Variants in PTPRD observed in about 807,000 individuals in gnomAD.
PTPRD encodes protein tyrosine phosphatase receptor type D, also known as receptor-type tyrosine-protein phosphatase delta.
PTPRD carries 34 observed loss-of-function variants against 214.5 expected under a neutral mutation model. The observed-to-expected ratio is 0.16, with a 90% CI of 0.12 to 0.21. The LOEUF is 0.21. Among genes scored for constraint, PTPRD ranks in the 10% least tolerant of loss-of-function variants. PTPRD has a pLI of 1.00. For missense variants in PTPRD, 2,545 were observed against 2,398.7 expected, an observed-to-expected ratio of 1.06 and a Z score of -1.27; for synonymous variants, 1,128 against 845.7, an observed-to-expected ratio of 1.33 and a Z score of -5.79.
intron 38 of PTPRD, 80 bp downstream of exon 38, chr9:8,376,527 T>C: frequency 6.3e-7 from 1 of 1,585,784 alleles, no homozygotes; most frequent in Non-Finnish European, 8.6e-7. Flanking sequence ...AGTAAAGCCT[T>C]AAGAGATTTC....
chr9:10,023,835 T>C (rs574186758), intron 4 of PTPRD, among the ~76,000 whole-genome samples: 29 of 152,152 alleles, frequency 1.9e-4, no homozygotes, highest in Non-Finnish European at 4.0e-4. Flanking sequence ...ACATTCATGA[T>C]AGACATAGCA....
intron 3 of PTPRD, among the ~76,000 whole-genome samples, chr9:10,332,953 G>A (rs925721325): frequency 6.6e-6 from 1 of 151,764 alleles, no homozygotes; most frequent in Non-Finnish European, 1.5e-5. Context: ...TGTATATAAC[G>A]TAATGTTTGT....
chr9:10,098,071 T>G (rs1480377690), intron 3 of PTPRD, among the ~76,000 whole-genome samples: 2 of 151,696 alleles, frequency 1.3e-5, no homozygotes, highest in Non-Finnish European at 2.9e-5. Flanking sequence ...CTATTCACAA[T>G]AGCAAAGACT....
At chr9:9,917,100 CA>C (rs144853561) in intron 5 of PTPRD, among the ~76,000 whole-genome samples, 12,933 of 148,794 alleles carry the variant, frequency 0.087, 752 homozygotes, top group South Asian at 0.2. Flanking sequence ...ATGTCTACAT[CA>C]AAAAAAACTA....
Position 10,269,974 on chromosome 9 carries a change from A to C in PTPRD, c.-545+70989T>G, listed in dbSNP as rs1249552356. On this transcript the variant is annotated intron_variant, in intron 3 of 45. Transcript: ENST00000381196. ...AGATTCAAATAGGGAAATACAGAAT[A>C]AAATACTAAATGTAAGCTTCTTGAG... Among the ~76,000 whole-genome samples the C allele has an allele frequency of 3.3e-5, 5 of 152,238 alleles. No individual in the cohort carries two copies. In the East Asian group the frequency reaches 9.6e-4, roughly 29 times the overall value.
intron 7 of PTPRD, among the ~76,000 whole-genome samples, chr9:9,665,332 T>C (rs2154382684): frequency 6.6e-6 from 1 of 151,968 alleles, no homozygotes. Flanking sequence ...GTTTGAGCTG[T>C]ATACACTTAG....
At chr9:10,064,016 TTC>T (rs970281759) in intron 3 of PTPRD, among the ~76,000 whole-genome samples, 42 of 151,674 alleles carry the variant, frequency 2.8e-4, no homozygotes, top group African/African-American at 9.2e-4. Flanking sequence ...TTCATATATT[TTC>T]TGTTTTTTTT....
chr9:10,270,370 T>G (rs755517879), intron 3 of PTPRD, among the ~76,000 whole-genome samples: 2 of 152,178 alleles, frequency 1.3e-5, no homozygotes, highest in Non-Finnish European at 2.9e-5. Flanking sequence ...TTAAGGGCAA[T>G]AGTCTCAAGT....
intron 2 of PTPRD, among the ~76,000 whole-genome samples, chr9:10,357,575 G>A (rs1034026176): frequency 6.6e-6 from 1 of 152,182 alleles, no homozygotes; most frequent in Non-Finnish European, 1.5e-5. Flanking sequence ...CATAGTAAAT[G>A]CTGAAAACAT....
intron 3 of PTPRD, among the ~76,000 whole-genome samples, chr9:10,299,390 G>C (rs1420330115): frequency 3.3e-5 from 5 of 152,134 alleles, no homozygotes; most frequent in Admixed American, 2.6e-4. Flanking sequence ...AAGGGACTGA[G>C]ATGTTAATTT....
intron 11 of PTPRD, among the ~76,000 whole-genome samples, chr9:8,782,059 G>A (rs954221923): frequency 1.6e-4 from 16 of 102,424 alleles, no homozygotes; most frequent in Non-Finnish European, 2.6e-4. Context: ...AATGTTTTAC[G>A]TTTATGGTAT....
chr9:8,534,299 G>A lies in PTPRD; in HGVS notation c.353-5520C>T, dbSNP rs778607553. On this transcript the variant is annotated intron_variant, in intron 14 of 45. Transcript: ENST00000381196. ...CACTGCAAAGAACACAATAGAACAC[G>A]TATCTATATTCTACTGTTATTCTAT... 7.9e-5 allele frequency among the ~76,000 whole-genome samples: 12 copies of A among 151,736 alleles called. No individual in the cohort carries two copies. The South Asian group carries it at 1.0e-3, about 13-fold the overall frequency.
At chr9:9,909,832 T>A (rs2078683802) in intron 5 of PTPRD, among the ~76,000 whole-genome samples, 2 of 151,890 alleles carry the variant, frequency 1.3e-5, no homozygotes, top group African/African-American at 4.8e-5. Flanking sequence ...AACATCTGTT[T>A]TTGCCTATAA....
At chr9:9,984,728 C>G (rs996715865) in intron 4 of PTPRD, among the ~76,000 whole-genome samples, 1 of 151,968 alleles carries the variant, frequency 6.6e-6, no homozygotes, top group Non-Finnish European at 1.5e-5. Context: ...GTCCTGAAGA[C>G]CTTGGGACAC....
intron 9 of PTPRD, among the ~76,000 whole-genome samples, chr9:9,392,365 A>G (rs1392428750): frequency 6.6e-6 from 1 of 152,196 alleles, no homozygotes; most frequent in Admixed American, 6.5e-5. Flanking sequence ...GGTCATTGGT[A>G]ACAGCAGAAG....
At chr9:8,803,470 T>A (rs1460968299) in intron 11 of PTPRD, among the ~76,000 whole-genome samples, 1 of 152,178 alleles carries the variant, frequency 6.6e-6, no homozygotes, top group Non-Finnish European at 1.5e-5. Flanking sequence ...AGCAATGATA[T>A]CTTCTAGCAT....
chr9:10,103,395 T>TATATATATATATATATATATATAAATATA (rs34926923), intron 3 of PTPRD, among the ~76,000 whole-genome samples: 1 of 116,698 alleles, frequency 8.6e-6, no homozygotes, highest in Non-Finnish European at 1.8e-5. Flanking sequence ...ATATATATAT[T>TATATATATATATATATATATATAAATATA]TATTTAAGAG....
chr9:10,452,124 A>T (rs768304866), intron 2 of PTPRD, among the ~76,000 whole-genome samples: 1 of 151,964 alleles, frequency 6.6e-6, no homozygotes, highest in Non-Finnish European at 1.5e-5. Context: ...TTGAAGAGGT[A>T]TTATCAATAG....
chr9:9,471,004 A>C (rs2094549533), intron 8 of PTPRD, among the ~76,000 whole-genome samples: 1 of 152,184 alleles, frequency 6.6e-6, no homozygotes, highest in Admixed American at 6.5e-5. Context: ...GGGTGCAGCC[A>C]TCTATCAATT....
Sources: gnomAD v4.1 joint callset for allele counts (sites outside exome capture counted in the v4.1 genomes callset) on GRCh38, gnomAD v4.1.1 for gene constraint, MANE v1.5 for transcripts, NCBI Gene and HGNC (gene_info 2026-07-23, HGNC 2026-07-21) for gene names.